ECE1: variants seen among roughly 807,000 people sequenced by gnomAD.
ECE1 encodes the protein endothelin-converting enzyme 1.
A neutral mutation model predicts 98.6 loss-of-function variants in ECE1; 35 were observed. That is an observed-to-expected ratio of 0.35 (90% CI 0.27 to 0.47). ECE1 has a LOEUF of 0.47. Among genes scored for constraint, ECE1 ranks in the 20% least tolerant of loss-of-function variants. The pLI is 1.00. For synonymous variants in ECE1, 394 were observed against 407.1 expected, an observed-to-expected ratio of 0.97 and a Z score of 0.39; for missense variants, 814 against 1,025.3, an observed-to-expected ratio of 0.79 and a Z score of 2.81.
At chr1:21,265,814 A>G (rs1477185967) in intron 4 of ECE1, among the ~76,000 whole-genome samples, 2 of 152,276 alleles carry the variant, frequency 1.3e-5, no homozygotes, top group Non-Finnish European at 1.5e-5. Flanking sequence ...GGAGGCAAAG[A>G]AGAAGCCAAC....
At chr1:21,305,713 A>T (rs1638580075) in intron 1 of ECE1, among the ~76,000 whole-genome samples, 1 of 152,138 alleles carries the variant, frequency 6.6e-6, no homozygotes, top group African/African-American at 2.4e-5. Context: ...TGGTAAAGAG[A>T]CAACAGGCTG....
rs1204334988 is a variant in ECE1, at chr1:21,225,494, C to G, written c.1850-54G>C. ...AGGGAGGGAGGGGCACAGCAGGGAC[C>G]TGCTGCTCCTCCCTGCTCCTGGTGA... is the stretch of plus-strand genomic sequence containing the variant. On this transcript the variant is annotated intron_variant, in intron 16 of 18. Coordinates refer to ENST00000374893, the MANE Select transcript of ECE1 (RefSeq NM_001397.3). This position sits in a 1 kb window ranked among gnomAD's most constrained non-coding sequence, Gnocchi z 5.3. 2 of 1,584,340 alleles carry G rather than the reference C, an allele frequency of 1.3e-6. No individual in the cohort carries two copies. The highest frequency in any genetic ancestry group is 1.3e-5 in the African/African-American group (1 of 74,162).
chr1:21,237,789 CA>C (rs1474039456), intron 11 of ECE1, among the ~76,000 whole-genome samples: 1 of 152,166 alleles, frequency 6.6e-6, no homozygotes, highest in African/African-American at 2.4e-5. Flanking sequence ...CTGTCACCCA[CA>C]AAATAAGAAA....
Position 21,228,057 on chromosome 1 carries a change from A to C in ECE1, c.1671-16T>G, listed in dbSNP as rs1051693829. 6.5e-7 allele frequency: 1 copy of C among 1,546,260 alleles called. No homozygotes were observed. On this transcript the variant is annotated splice_polypyrimidine_tract_variant and intron_variant, in intron 14 of 18. Coordinates refer to ENST00000374893, the MANE Select transcript of ECE1 (RefSeq NM_001397.3). ...CATGCTCCACCTGCAAGCAACACAC[A>C]TGCAGGAGGTCTCAGCACAGGGCGG...
chr1:21,276,262 G>A (rs914994930), intron 3 of ECE1, among the ~76,000 whole-genome samples: 13 of 152,176 alleles, frequency 8.5e-5, no homozygotes, highest in Admixed American at 8.5e-4. Context: ...TTGACCTCAG[G>A]TGATCCACCC....
chr1:21,236,010 C>T, intron 12 of ECE1, 83 bp from the exon 13 acceptor site: 2 of 1,343,498 alleles, frequency 1.5e-6, no homozygotes, highest in South Asian at 2.3e-5. Flanking sequence ...GGCTCATAGT[C>T]TGGGCCAAGG....
chr1:21,326,148 A>G (rs1176375924), intron 1 of ECE1, among the ~76,000 whole-genome samples: 4 of 152,006 alleles, frequency 2.6e-5, no homozygotes, highest in Admixed American at 6.5e-5. Flanking sequence ...CCACGTTCTC[A>G]GCCAACAATA....
At chr1:21,309,052 C>G (rs1203623095) in intron 1 of ECE1, among the ~76,000 whole-genome samples, 1 of 152,224 alleles carries the variant, frequency 6.6e-6, no homozygotes, top group Non-Finnish European at 1.5e-5. Flanking sequence ...GGGACTGGAA[C>G]TGGGCCAGGA....
At chr1:21,243,803 C>T (rs183540747) in intron 10 of ECE1, among the ~76,000 whole-genome samples, 82 of 152,370 alleles carry the variant, frequency 5.4e-4, no homozygotes, top group African/African-American at 1.8e-3. Flanking sequence ...CCAGGCAGGG[C>T]AGCCAACCCA....
At chr1:21,334,467 G>A (rs534366330) in intron 1 of ECE1, among the ~76,000 whole-genome samples, 15 of 152,258 alleles carry the variant, frequency 9.9e-5, no homozygotes, top group African/African-American at 2.2e-4. Flanking sequence ...CAGCGTGGCC[G>A]TGTGAACAGC....
Position 21,260,604 on chromosome 1 carries a change from C to T in ECE1, c.494-212G>A, listed in dbSNP as rs1053812262. 1.3e-5 allele frequency among the ~76,000 whole-genome samples: 2 copies of T among 152,188 alleles called. No homozygotes were observed. The highest frequency in any genetic ancestry group is 2.9e-5 in the Non-Finnish European group (2 of 68,034). ...AGCTGAAGGCGCTCCCGAAATTTTGCTGACTGCAAAGAAAAAGAATCGACC... is the reference window on the plus strand; with the variant it reads ...AGCTGAAGGCGCTCCCGAAATTTTGTTGACTGCAAAGAAAAAGAATCGACC... On this transcript the variant is annotated intron_variant, in intron 4 of 18. Transcript: ENST00000374893. The surrounding 1 kb of genome is among the most constrained non-coding windows in gnomAD (Gnocchi z 4.3).
intron 4 of ECE1, among the ~76,000 whole-genome samples, chr1:21,265,260 A>G (rs570036483): frequency 6.4e-4 from 98 of 152,250 alleles, no homozygotes; most frequent in Non-Finnish European, 1.1e-3. Flanking sequence ...AAGTGAAATG[A>G]GTGGCTCATG....
At chr1:21,280,491 G>A (rs2098253150) in intron 2 of ECE1, among the ~76,000 whole-genome samples, 1 of 152,190 alleles carries the variant, frequency 6.6e-6, no homozygotes, top group Admixed American at 6.5e-5. Context: ...GAGAGGAGAG[G>A]AGGGCCTAGA....
intron 10 of ECE1, among the ~76,000 whole-genome samples, chr1:21,239,442 T>C (rs2098192974): frequency 6.6e-6 from 1 of 152,244 alleles, no homozygotes; most frequent in African/African-American, 2.4e-5. Context: ...GGCAGTCTGA[T>C]TCATCATGGC....
At chr1:21,251,404 A>G (rs1376399703) in intron 8 of ECE1, among the ~76,000 whole-genome samples, 2 of 152,076 alleles carry the variant, frequency 1.3e-5, no homozygotes, top group African/African-American at 4.8e-5. Flanking sequence ...AATCCCAGCT[A>G]CTTGGGAGGC....
In ECE1 at chr1:21,247,205, C is replaced by T. The variant is rs1321008059; in HGVS notation, c.1163+16G>A. ...TCTGTGAGAGGCGTGCCCCAGGCCACTGGGGGTCCTCTTACCATCTGTCGG... is the reference window on the plus strand; with the variant it reads ...TCTGTGAGAGGCGTGCCCCAGGCCATTGGGGGTCCTCTTACCATCTGTCGG... On this transcript the variant is annotated intron_variant, in intron 9 of 18. Coordinates refer to ENST00000374893, the MANE Select transcript of ECE1 (RefSeq NM_001397.3). 1.2e-6 allele frequency: 2 copies of T among 1,614,162 alleles called. No individual in the cohort carries two copies. The highest frequency in any genetic ancestry group is 1.7e-6 in the Non-Finnish European group (2 of 1,180,020).
intron 1 of ECE1, among the ~76,000 whole-genome samples, chr1:21,337,230 A>G (rs761054874): frequency 7.9e-5 from 12 of 152,166 alleles, no homozygotes; most frequent in Non-Finnish European, 1.8e-4. Context: ...CATCCACCCA[A>G]TGCGGCACGA....
chr1:21,255,846 TTC>T, intron 8 of ECE1, 99 bp downstream of exon 8: 1 of 1,275,368 alleles, frequency 7.8e-7, no homozygotes, highest in Non-Finnish European at 1.1e-6. Context: ...GTCACATAGT[TTC>T]AAGGACTAGA....
At chr1:21,331,258 C>T (rs1382677240) in intron 1 of ECE1, among the ~76,000 whole-genome samples, 11 of 151,980 alleles carry the variant, frequency 7.2e-5, no homozygotes, top group Non-Finnish European at 1.5e-5. Flanking sequence ...CAAAAATTAG[C>T]CGGGCGTGGT....
Sources: gnomAD v4.1 joint callset for allele counts (sites outside exome capture counted in the v4.1 genomes callset) on GRCh38, gnomAD v4.1.1 for gene constraint, Gnocchi (gnomAD v3.1) non-coding constraint, MANE v1.5 for transcripts, NCBI Gene and HGNC (gene_info 2026-07-23, HGNC 2026-07-21) for gene names.